The following PDE10A variants were observed in gnomAD, a reference collection of about 807,000 sequenced individuals.
PDE10A encodes the protein phosphodiesterase 10A.
Under a neutral mutation model 97.7 loss-of-function variants are expected in PDE10A, and 39 were observed. The observed-to-expected ratio is 0.40, with a 90% confidence interval of 0.31 to 0.52. The LOEUF (loss-of-function observed/expected upper bound fraction) is 0.52, where lower values mean the gene tolerates loss of function less well. Among genes scored for constraint, PDE10A ranks in the 20% least tolerant of loss-of-function variants. The pLI is 0.56. For synonymous variants in PDE10A, 371 were observed against 376.8 expected, an observed-to-expected ratio of 0.98 and a Z score of 0.18; for missense variants, 731 against 1,047.8, an observed-to-expected ratio of 0.70 and a Z score of 4.17.
chr6:165,897,987 G>A (rs1041909376), intron 1 of PDE10A, among the ~76,000 whole-genome samples: 2 of 151,866 alleles, frequency 1.3e-5, no homozygotes, highest in African/African-American at 2.4e-5. Context: ...GTCCTTTGCC[G>A]ACCACTCCCG....
intron 1 of PDE10A, among the ~76,000 whole-genome samples, chr6:165,820,599 C>T (rs1345047256): frequency 6.6e-6 from 1 of 152,194 alleles, no homozygotes; most frequent in Non-Finnish European, 1.5e-5. Flanking sequence ...GCCCAGGCCC[C>T]CCAGCGTCTG....
At chr6:165,946,351 C>T (rs1252414760) in intron 1 of PDE10A, among the ~76,000 whole-genome samples, 5 of 151,966 alleles carry the variant, frequency 3.3e-5, no homozygotes, top group Admixed American at 2.0e-4. Flanking sequence ...AAACATTAGC[C>T]GGGTGTGCTG....
At chr6:165,740,329 AG>A (rs1792688451) in intron 1 of PDE10A, among the ~76,000 whole-genome samples, 1 of 151,946 alleles carries the variant, frequency 6.6e-6, no homozygotes, top group Non-Finnish European at 1.5e-5. Flanking sequence ...AGAGAGAGAG[AG>A]AGAGAGAGAG....
intron 1 of PDE10A, among the ~76,000 whole-genome samples, chr6:165,634,002 T>C (rs1025762418): frequency 1.2e-4 from 19 of 152,012 alleles, no homozygotes; most frequent in Non-Finnish European, 1.5e-4. Flanking sequence ...AAAACAATTC[T>C]TTTTTTTCCA....
At chr6:165,509,514 G>A (rs1781391991) in intron 2 of PDE10A, among the ~76,000 whole-genome samples, 1 of 151,778 alleles carries the variant, frequency 6.6e-6, no homozygotes, top group African/African-American at 2.4e-5. Context: ...GGCAGGGAGT[G>A]TGATGCCTCC....
chr6:165,534,975 T>C (rs978456720), intron 2 of PDE10A, among the ~76,000 whole-genome samples: 34 of 151,954 alleles, frequency 2.2e-4, no homozygotes, highest in Admixed American at 3.9e-4. Flanking sequence ...ATAAAGAGTA[T>C]CTAATTGGAA....
chr6:165,686,498 C>T (rs150398018), intron 1 of PDE10A, among the ~76,000 whole-genome samples: 1 of 152,122 alleles, frequency 6.6e-6, no homozygotes, highest in Non-Finnish European at 1.5e-5. Flanking sequence ...CTCCCAGAGA[C>T]TAGTTCATGG....
At chr6:165,639,382 T>G (rs567560434) in intron 1 of PDE10A, among the ~76,000 whole-genome samples, 2 of 152,256 alleles carry the variant, frequency 1.3e-5, no homozygotes, top group South Asian at 4.1e-4. Flanking sequence ...CAGAGATTAG[T>G]TTTATTTTTA....
At chr6:165,745,499 C>T (rs980487476) in intron 1 of PDE10A, among the ~76,000 whole-genome samples, 5 of 152,128 alleles carry the variant, frequency 3.3e-5, no homozygotes, top group Admixed American at 1.3e-4. Context: ...TCTTTACCAT[C>T]GACTTAACTG....
intron 18 of PDE10A, among the ~76,000 whole-genome samples, chr6:165,377,401 A>AAAAAATAAT (rs1784672626): frequency 6.6e-6 from 1 of 152,180 alleles, no homozygotes; most frequent in Admixed American, 6.5e-5. Context: ...TTGAATTATT[A>AAAAAATAAT]AAACAAACAT....
intron 2 of PDE10A, among the ~76,000 whole-genome samples, chr6:165,511,896 CTA>C (rs1781530107): frequency 1.3e-5 from 2 of 152,106 alleles, no homozygotes; most frequent in South Asian, 4.1e-4. Context: ...TAGTTTCACT[CTA>C]TGTGTGTCTT....
chr6:165,454,956 A>T (rs1777861857), intron 3 of PDE10A, among the ~76,000 whole-genome samples: 1 of 152,194 alleles, frequency 6.6e-6, no homozygotes, highest in Non-Finnish European at 1.5e-5. Context: ...AAATAAGGAA[A>T]GAGAAAGCAG....
chr6:165,964,255 G>A (rs901909250), intron 1 of PDE10A, among the ~76,000 whole-genome samples: 6 of 152,222 alleles, frequency 3.9e-5, no homozygotes, highest in East Asian at 1.9e-4. Flanking sequence ...GCTTAGCATC[G>A]GGCTTCCTAC....
At chr6:165,625,228 C>T (rs751295382) in intron 1 of PDE10A, among the ~76,000 whole-genome samples, 5 of 152,024 alleles carry the variant, frequency 3.3e-5, no homozygotes, top group Non-Finnish European at 7.3e-5. Context: ...AGGCTCACTC[C>T]TGCTGCTGTG....
chr6:165,363,049 A>G (rs1783528574), intron 18 of PDE10A, among the ~76,000 whole-genome samples: 1 of 152,228 alleles, frequency 6.6e-6, no homozygotes, highest in Admixed American at 6.5e-5. Flanking sequence ...TCAACAAATC[A>G]GAATTAGAAG....
chr6:165,647,445 A>T (rs561180066), intron 1 of PDE10A, among the ~76,000 whole-genome samples: 1 of 152,244 alleles, frequency 6.6e-6, no homozygotes, highest in Non-Finnish European at 1.5e-5. Context: ...GAGGTGCAGA[A>T]GTCCCATAAA....
chr6:165,730,008 T>C (rs985197038), intron 1 of PDE10A, among the ~76,000 whole-genome samples: 45 of 152,172 alleles, frequency 3.0e-4, no homozygotes, highest in African/African-American at 1.1e-3. Flanking sequence ...TATATCAATC[T>C]TGAAAAAGAT....
intron 1 of PDE10A, among the ~76,000 whole-genome samples, chr6:165,617,453 C>T (rs1018403020): frequency 2.0e-5 from 3 of 152,176 alleles, no homozygotes; most frequent in Non-Finnish European, 4.4e-5. Flanking sequence ...AAGCGATTCT[C>T]CCGCTTCAGC....
At chr6:165,361,429 T>C (rs942940501) in intron 18 of PDE10A, among the ~76,000 whole-genome samples, 2 of 152,208 alleles carry the variant, frequency 1.3e-5, no homozygotes, top group Non-Finnish European at 2.9e-5. Flanking sequence ...TTTAAAAACA[T>C]ATTCTCATAT....
Sources: allele counts gnomAD v4.1 joint callset (sites outside exome capture counted in the v4.1 genomes callset), GRCh38; gene constraint gnomAD v4.1.1; transcripts MANE v1.5; gene names NCBI Gene and HGNC (gene_info 2026-07-23, HGNC 2026-07-21).